CELF2: variants seen among roughly 807,000 people sequenced by gnomAD.
CELF2 encodes CUGBP Elav-like family member 2.
CELF2 carries 8 observed loss-of-function variants against 62.6 expected under a neutral mutation model. The observed-to-expected ratio is 0.13, with a 90% CI of 0.07 to 0.23. The LOEUF (loss-of-function observed/expected upper bound fraction) is 0.23. Among genes scored for constraint, CELF2 ranks in the 10% least tolerant of loss-of-function variants. The pLI, the probability that CELF2 is intolerant of heterozygous loss-of-function variation, is 1.00. For synonymous variants in CELF2, 258 were observed against 250.0 expected, an observed-to-expected ratio of 1.03 and a Z score of -0.30; for missense variants, 333 against 671.0, an observed-to-expected ratio of 0.50 and a Z score of 5.56.
At chr10:11,109,756 G>C (rs1055440572) in intron 1 of CELF2, among the ~76,000 whole-genome samples, 13 of 152,174 alleles carry the variant, frequency 8.5e-5, no homozygotes, top group African/African-American at 1.4e-4. Context: ...CCTTGTTGAG[G>C]AAGCAACGCT....
the CELF2 span, among the ~76,000 whole-genome samples, chr10:10,607,206 A>G: frequency 6.6e-6 from 1 of 152,202 alleles, no homozygotes; most frequent in African/African-American, 2.4e-5. Context: ...CAACCACTTG[A>G]AATGAATAAT....
the CELF2 span, among the ~76,000 whole-genome samples, chr10:10,463,588 C>A: frequency 6.6e-6 from 1 of 152,086 alleles, no homozygotes; most frequent in African/African-American, 2.4e-5. Context: ...ATAGACATCT[C>A]TTTTTTTGTA....
chr10:11,200,067 G>A (rs910001215), intron 2 of CELF2, among the ~76,000 whole-genome samples: 1 of 152,178 alleles, frequency 6.6e-6, no homozygotes, highest in African/African-American at 2.4e-5. Flanking sequence ...TTGTGGTTGA[G>A]AATGTATGAT....
At chr10:10,886,756 A>G (rs2061777827) in intron 1 of CELF2, among the ~76,000 whole-genome samples, 1 of 152,174 alleles carries the variant, frequency 6.6e-6, no homozygotes, top group Admixed American at 6.5e-5. Context: ...GGATTTCTTG[A>G]GCCTAGGAGG....
chr10:10,736,515 G>C, the CELF2 span, among the ~76,000 whole-genome samples: 1 of 151,062 alleles, frequency 6.6e-6, no homozygotes, highest in East Asian at 1.9e-4. Flanking sequence ...AAAATACCCT[G>C]TATGTTGTTA....
rs190531925 is a variant in CELF2, at chr10:10,928,354, C to T, written c.89+8355C>T. Among the ~76,000 whole-genome samples the T allele has an allele frequency of 2.2e-4, 33 of 152,230 alleles. 1 individual carries two copies. In the East Asian group the frequency reaches 6.4e-3, roughly 29 times the overall value. On this transcript the variant is annotated intron_variant, in intron 2 of 13. Transcript: ENST00000636488. The surrounding 1 kb of genome is among the most constrained non-coding windows in gnomAD (Gnocchi z 4.8). Reference sequence around the variant, plus strand: ...TGGTCTCCTACTCTTTGTATGTGTTCTTCCTTCTATTTGAAAGCCCAGTGT... The same window carrying T: ...TGGTCTCCTACTCTTTGTATGTGTTTTTCCTTCTATTTGAAAGCCCAGTGT...
chr10:10,999,478 G>A (rs1447936824), intron 2 of CELF2, among the ~76,000 whole-genome samples: 1 of 152,222 alleles, frequency 6.6e-6, no homozygotes, highest in East Asian at 1.9e-4. Context: ...GCACACATTT[G>A]TAGTCCTACC....
the CELF2 span, among the ~76,000 whole-genome samples, chr10:10,641,132 G>C: frequency 6.6e-6 from 1 of 152,148 alleles, no homozygotes; most frequent in Non-Finnish European, 1.5e-5. Flanking sequence ...GCTTCCCACA[G>C]TCTGCACTCA....
intron 1 of CELF2, among the ~76,000 whole-genome samples, chr10:11,120,084 A>T (rs1355197276): frequency 6.6e-6 from 1 of 152,108 alleles, no homozygotes; most frequent in East Asian, 1.9e-4. Context: ...TCCAGGTGAA[A>T]GGAGAGGTTC....
At chr10:11,024,037 T>C (rs2058745502) in intron 1 of CELF2, among the ~76,000 whole-genome samples, 1 of 152,218 alleles carries the variant, frequency 6.6e-6, no homozygotes, top group African/African-American at 2.4e-5. Context: ...TTTTTTTTCC[T>C]CCTAAAGATT....
At chr10:11,066,336 G>A (rs939789353) in intron 1 of CELF2, among the ~76,000 whole-genome samples, 1 of 151,624 alleles carries the variant, frequency 6.6e-6, no homozygotes, top group Non-Finnish European at 1.5e-5. Context: ...GCTATGGTGG[G>A]TGTGCTGCCA....
At chr10:10,676,592 T>G in the CELF2 span, among the ~76,000 whole-genome samples, 1 of 152,206 alleles carries the variant, frequency 6.6e-6, no homozygotes, top group Non-Finnish European at 1.5e-5. Context: ...CTAGAGCTTT[T>G]GGTTCTCAGG....
Position 10,820,873 on chromosome 10 carries a change from A to T in CELF2, c.53+22056A>T, listed in dbSNP as rs768276077. On this transcript the variant is annotated intron_variant, in intron 1 of 13. Transcript: ENST00000636488. ...AAGAGATTTGCATTTCTACAAGTTC[A>T]TTCTGAGAATGGTGGAGAGGATGCA... 3.2e-4 allele frequency among the ~76,000 whole-genome samples: 49 copies of T among 152,232 alleles called. 1 individual carries two copies. The highest frequency in any genetic ancestry group is 5.0e-4 in the Non-Finnish European group (34 of 68,040).
chr10:11,263,227 C>T lies in CELF2; in HGVS notation c.539-3371C>T, dbSNP rs185215282. On this transcript the variant is annotated intron_variant, in intron 5 of 12. Transcript: ENST00000633077. ...TCACTGAAATGAGAGGAATGCAGCT[C>T]CTTTCATTTCTGTTAGCAATTCGTA... is the stretch of plus-strand genomic sequence containing the variant. Among the ~76,000 whole-genome samples, 164 of 151,920 alleles carry T rather than the reference C, an allele frequency of 1.1e-3. 1 individual carries two copies. The highest frequency in any genetic ancestry group is 3.6e-3 in the African/African-American group (148 of 41,454).
At chr10:10,900,342 T>G (rs1005009067) in intron 1 of CELF2, among the ~76,000 whole-genome samples, 1 of 152,210 alleles carries the variant, frequency 6.6e-6, no homozygotes, top group Non-Finnish European at 1.5e-5. Flanking sequence ...TTTAGCAAAT[T>G]GAATCCAACA....
the CELF2 span, among the ~76,000 whole-genome samples, chr10:10,479,288 C>A: frequency 3.3e-5 from 5 of 152,122 alleles, no homozygotes; most frequent in Non-Finnish European, 7.4e-5. Context: ...CCTGCCTCAG[C>A]CTCCTGAGTA....
chr10:11,008,544 C>T lies in CELF2; in HGVS notation c.53+3104C>T, dbSNP rs375657445. ...GCAAGTGCAGATTGTGCTAGAAGAC[C>T]GAGGAAGTCATTCAAAGAGTGAATC... On this transcript the variant is annotated intron_variant, in intron 1 of 12. Coordinates refer to the CELF2 transcript ENST00000416382. The surrounding 1 kb of genome is among the most constrained non-coding windows in gnomAD (Gnocchi z 4.5). 5.9e-5 allele frequency among the ~76,000 whole-genome samples: 9 copies of T among 152,098 alleles called. No homozygotes were observed. The East Asian group carries it at 1.2e-3, about 20-fold the overall frequency.
intron 2 of CELF2, among the ~76,000 whole-genome samples, chr10:10,978,311 T>G (rs1424469307): frequency 6.6e-6 from 1 of 152,194 alleles, no homozygotes. Context: ...CCTCTTACAG[T>G]TCTAATAATG....
chr10:11,279,804 T>G (rs2087630108), intron 8 of CELF2, among the ~76,000 whole-genome samples: 1 of 152,222 alleles, frequency 6.6e-6, no homozygotes, highest in Non-Finnish European at 1.5e-5. Flanking sequence ...ACATAATTTC[T>G]TCGTTTTGAG....
Sources: gnomAD v4.1 joint callset for allele counts (sites outside exome capture counted in the v4.1 genomes callset) on GRCh38, gnomAD v4.1.1 for gene constraint, Gnocchi (gnomAD v3.1) non-coding constraint, MANE v1.5 for transcripts, NCBI Gene and HGNC (gene_info 2026-07-23, HGNC 2026-07-21) for gene names.